IGSF21: variants seen among roughly 807,000 people sequenced by gnomAD.
IGSF21 encodes the protein immunoglobulin superfamily member 21.
A neutral mutation model predicts 46.8 loss-of-function variants in IGSF21; 28 were observed. The observed-to-expected ratio is 0.60, with a 90% CI of 0.44 to 0.82. The LOEUF is 0.82. Ranked by LOEUF, IGSF21 falls within the 40% of genes least tolerant of loss-of-function variation. The pLI is 0.00. For synonymous variants in IGSF21, 284 were observed against 273.6 expected (o/e 1.04, Z -0.38); for missense variants, 624 against 665.5 (o/e 0.94, Z 0.69).
intron 1 of IGSF21, among the ~76,000 whole-genome samples, chr1:18,186,115 A>G (rs1438616090): frequency 6.6e-6 from 1 of 152,116 alleles, no homozygotes; most frequent in Non-Finnish European, 1.5e-5. Context: ...AGCTCCCCAG[A>G]AGCCTGTATT....
At chr1:18,271,333 G>A (rs934930653) in intron 2 of IGSF21, among the ~76,000 whole-genome samples, 1 of 152,164 alleles carries the variant, frequency 6.6e-6, no homozygotes, top group Non-Finnish European at 1.5e-5. Context: ...GAATTAAGGT[G>A]ATCAGCTCAT....
At position 18,304,710 on chromosome 1, in the gene IGSF21, C is replaced by T. The variant is rs1020918203; in HGVS notation, c.305+12723C>T. ...TGGAAATTATCTACACACACACATA[C>T]ACACACACACACACACACATACACA... On this transcript the variant is annotated intron_variant, in intron 3 of 9. Coordinates refer to ENST00000251296, the MANE Select transcript of IGSF21 (RefSeq NM_032880.5). 4.4e-4 allele frequency among the ~76,000 whole-genome samples: 48 copies of T among 109,496 alleles called. 1 individual carries two copies. Among genetic ancestry groups the T allele is most frequent in the African/African-American group, 1.5e-3 (48 of 31,454 alleles). 71.8% of individuals were successfully genotyped at this position (109,496 alleles called of 152,430 possible).
Position 18,341,440 on chromosome 1 carries a change from C to A in IGSF21, c.424+6430C>A, listed in dbSNP as rs914406558. On this transcript the variant is annotated intron_variant, in intron 4 of 9. Coordinates refer to ENST00000251296, the MANE Select transcript of IGSF21 (RefSeq NM_032880.5). ...TTCAGGGACATAATTCAACCCACAG[C>A]AGTAACTGAGTCAGGATGTAGCACA... 2.0e-5 allele frequency among the ~76,000 whole-genome samples: 3 copies of A among 152,186 alleles called. No homozygotes were observed. In the East Asian group the frequency reaches 5.8e-4, roughly 29 times the overall value.
At chr1:18,176,391 T>A (rs1235908054) in intron 1 of IGSF21, among the ~76,000 whole-genome samples, 1 of 152,192 alleles carries the variant, frequency 6.6e-6, no homozygotes, top group Non-Finnish European at 1.5e-5. Flanking sequence ...AGACTTGAAT[T>A]CCAGTCTGGT....
intron 2 of IGSF21, among the ~76,000 whole-genome samples, chr1:18,248,829 T>TTAC (rs1470231165): frequency 6.6e-6 from 1 of 152,096 alleles, no homozygotes; most frequent in African/African-American, 2.4e-5. Flanking sequence ...CCCAAGGAGC[T>TTAC]TACATCCTGT....
At chr1:18,313,111 C>T (rs917996953) in intron 3 of IGSF21, among the ~76,000 whole-genome samples, 3 of 152,164 alleles carry the variant, frequency 2.0e-5, no homozygotes, top group African/African-American at 7.2e-5. Flanking sequence ...AGCAGACCCG[C>T]CGGGTACCGT....
At chr1:18,164,170 G>A (rs936906660) in intron 1 of IGSF21, among the ~76,000 whole-genome samples, 1 of 152,100 alleles carries the variant, frequency 6.6e-6, no homozygotes, top group Non-Finnish European at 1.5e-5. Context: ...GGAAACTGAG[G>A]CATAGGCAAG....
At chr1:18,212,583 G>A (rs940664984) in intron 1 of IGSF21, among the ~76,000 whole-genome samples, 2 of 152,226 alleles carry the variant, frequency 1.3e-5, no homozygotes, top group Non-Finnish European at 2.9e-5. Flanking sequence ...GGGCTAGCCC[G>A]GGGTCTTCTG....
intron 3 of IGSF21, among the ~76,000 whole-genome samples, chr1:18,318,750 G>A (rs1326396323): frequency 1.3e-5 from 2 of 152,028 alleles, no homozygotes; most frequent in African/African-American, 2.4e-5. Flanking sequence ...CTGTCAACAC[G>A]CTCTATTTGA....
intron 1 of IGSF21, among the ~76,000 whole-genome samples, chr1:18,221,702 C>T (rs2084511938): frequency 6.6e-6 from 1 of 152,216 alleles, no homozygotes; most frequent in Non-Finnish European, 1.5e-5. Context: ...TCCGTCTCCA[C>T]TCCTGATCCA....
chr1:18,172,012 C>T (rs2086741787), intron 1 of IGSF21, among the ~76,000 whole-genome samples: 1 of 152,188 alleles, frequency 6.6e-6, no homozygotes, highest in Non-Finnish European at 1.5e-5. Flanking sequence ...GTCCCCTGGA[C>T]AGGATTGTGT....
chr1:18,372,997 G>C (rs1354401233), intron 6 of IGSF21, among the ~76,000 whole-genome samples: 1 of 152,162 alleles, frequency 6.6e-6, no homozygotes, highest in African/African-American at 2.4e-5. Context: ...CTTGCATCAG[G>C]ATGCTCAGGA....
chr1:18,253,742 C>G (rs1180890829), intron 2 of IGSF21, among the ~76,000 whole-genome samples: 2 of 152,194 alleles, frequency 1.3e-5, no homozygotes, highest in Admixed American at 6.5e-5. Flanking sequence ...TCTCTGCTTC[C>G]TCTGACAGGA....
rs1373361005 is a variant in IGSF21 at position 18,148,002 on chromosome 1, C to T, written c.70+39804C>T. ...CCTGCAGAAGTTTTCTCTTGCCTGC[C>T]GCCATGTAAGACATCTCTTTGCTCT... On this transcript the variant is annotated intron_variant, in intron 1 of 9. Transcript: ENST00000251296. Among the ~76,000 whole-genome samples the T allele has an allele frequency of 2.6e-5, 4 of 152,034 alleles. No individual in the cohort carries two copies. In the East Asian group the frequency reaches 5.8e-4, roughly 22 times the overall value.
intron 1 of IGSF21, among the ~76,000 whole-genome samples, chr1:18,151,863 A>G (rs1276646463): frequency 2.0e-5 from 3 of 152,202 alleles, no homozygotes; most frequent in African/African-American, 4.8e-5. Flanking sequence ...CGTATAATTC[A>G]TCTTCCAAAT....
At chr1:18,186,872 G>A (rs1319668895) in intron 1 of IGSF21, among the ~76,000 whole-genome samples, 1 of 152,020 alleles carries the variant, frequency 6.6e-6, no homozygotes, top group Non-Finnish European at 1.5e-5. Context: ...GGTTCCCGTT[G>A]CCTTGCTCAC....
chr1:18,354,247 A>G (rs535504323), intron 4 of IGSF21, among the ~76,000 whole-genome samples: 37 of 152,334 alleles, frequency 2.4e-4, no homozygotes, highest in African/African-American at 8.9e-4. Flanking sequence ...TGCAGGGCAC[A>G]GAGGAGATGA....
intron 2 of IGSF21, among the ~76,000 whole-genome samples, chr1:18,264,641 C>T (rs2084974793): frequency 6.6e-6 from 1 of 152,174 alleles, no homozygotes; most frequent in Non-Finnish European, 1.5e-5. Context: ...CTTAACATAC[C>T]TACAGAACAT....
chr1:18,289,007 G>A (rs750754938), intron 2 of IGSF21, among the ~76,000 whole-genome samples: 8 of 152,134 alleles, frequency 5.3e-5, no homozygotes, highest in South Asian at 2.1e-4. Flanking sequence ...TTTACGACTC[G>A]GATAATTCTT....
Sources: allele counts gnomAD v4.1 joint callset (sites outside exome capture counted in the v4.1 genomes callset), GRCh38; gene constraint gnomAD v4.1.1; transcripts MANE v1.5; gene names NCBI Gene and HGNC (gene_info 2026-07-23, HGNC 2026-07-21).